Variants in ARHGAP6 observed in about 807,000 individuals in gnomAD.
The protein encoded by ARHGAP6 is Rho GTPase activating protein 6, also known as rho GTPase-activating protein 6.
ARHGAP6 carries 16 observed loss-of-function variants against 55.7 expected under a neutral mutation model. The observed-to-expected ratio is 0.29, with a 90% confidence interval of 0.19 to 0.44. ARHGAP6 has a LOEUF of 0.44. Among genes scored for constraint, ARHGAP6 ranks in the 20% least tolerant of loss-of-function variants. The pLI, the probability that ARHGAP6 is intolerant of heterozygous loss-of-function variation, is 1.00. For missense variants in ARHGAP6, 698 were observed against 808.9 expected (o/e 0.86, Z 1.66); for synonymous variants, 382 against 360.9 (o/e 1.06, Z -0.66).
intron 2 of ARHGAP6, among the ~76,000 whole-genome samples, chrX:11,221,839 A>T (rs2046976788): frequency 9.0e-6 from 1 of 111,044 alleles, no homozygotes; most frequent in African/African-American, 3.3e-5. Context: ...TACCTAGGTT[A>T]TAGCATAGTA....
At chrX:11,502,590 C>G (rs1408080290) in intron 1 of ARHGAP6, among the ~76,000 whole-genome samples, 1 of 112,069 alleles carries the variant, frequency 8.9e-6, no homozygotes, top group African/African-American at 3.2e-5. Flanking sequence ...TCTGAGACAG[C>G]AAGACCAACC....
At chrX:11,503,727 A>T (rs2050703143) in intron 1 of ARHGAP6, among the ~76,000 whole-genome samples, 1 of 111,452 alleles carries the variant, frequency 9.0e-6, no homozygotes, top group Non-Finnish European at 1.9e-5. Flanking sequence ...AGCAAAGACA[A>T]TACCCAGAAT....
chrX:11,604,959 G>A (rs774231362), intron 1 of ARHGAP6, among the ~76,000 whole-genome samples: 13 of 111,749 alleles, frequency 1.2e-4, no homozygotes, highest in Non-Finnish European at 1.9e-4. Flanking sequence ...TCTGGTCAGG[G>A]GACAGCTGTA....
chrX:11,623,371 AG>A (rs1193158696), intron 1 of ARHGAP6, among the ~76,000 whole-genome samples: 1 of 111,300 alleles, frequency 9.0e-6, no homozygotes, highest in Non-Finnish European at 1.9e-5. Context: ...TTAACCAAAA[AG>A]CAAAAGATCT....
chrX:11,297,144 C>A (rs756696851), intron 1 of ARHGAP6, among the ~76,000 whole-genome samples: 1 of 112,149 alleles, frequency 8.9e-6, no homozygotes, highest in South Asian at 3.7e-4. Flanking sequence ...TCTAACCCAG[C>A]TAGTAAAATG....
intron 1 of ARHGAP6, among the ~76,000 whole-genome samples, chrX:11,295,054 C>T (rs983340182): frequency 2.7e-5 from 3 of 111,800 alleles, no homozygotes; most frequent in African/African-American, 6.5e-5. Context: ...ACAGCTGGGG[C>T]GGGGCCCAGG....
intron 1 of ARHGAP6, among the ~76,000 whole-genome samples, chrX:11,327,161 T>C: frequency 8.9e-6 from 1 of 112,271 alleles, no homozygotes. Context: ...GTCCAAGATA[T>C]TCTTTAGATT....
At chrX:11,246,994 T>C (rs2047362679) in intron 2 of ARHGAP6, among the ~76,000 whole-genome samples, 1 of 112,191 alleles carries the variant, frequency 8.9e-6, no homozygotes, top group Non-Finnish European at 1.9e-5. Flanking sequence ...AGGTTACTTT[T>C]ATTTTCTAAA....
chrX:11,418,189 A>G (rs148153700), intron 1 of ARHGAP6, among the ~76,000 whole-genome samples: 1 of 111,970 alleles, frequency 8.9e-6, no homozygotes, highest in East Asian at 2.8e-4. Context: ...AGCAGGATGA[A>G]TATTTATGAA....
At chrX:11,153,672 G>T (rs907585716) in intron 10 of ARHGAP6, among the ~76,000 whole-genome samples, 1 of 109,958 alleles carries the variant, frequency 9.1e-6, no homozygotes, top group Non-Finnish European at 1.9e-5. Flanking sequence ...CTTCTGGGCT[G>T]TTCCTTGGCC....
chrX:11,399,538 G>A, intron 1 of ARHGAP6, among the ~76,000 whole-genome samples: 1 of 111,181 alleles, frequency 9.0e-6, no homozygotes, highest in East Asian at 2.8e-4. Flanking sequence ...AGAGGATATG[G>A]AGAAATCTGA....
intron 2 of ARHGAP6, among the ~76,000 whole-genome samples, chrX:11,208,878 G>C (rs757911357): frequency 8.9e-6 from 1 of 111,814 alleles, no homozygotes; most frequent in Admixed American, 9.5e-5. Context: ...AACATCATTT[G>C]GTTCCATTTC....
intron 2 of ARHGAP6, among the ~76,000 whole-genome samples, chrX:11,208,983 T>A (rs1358004388): frequency 8.9e-6 from 1 of 112,244 alleles, no homozygotes; most frequent in Non-Finnish European, 1.9e-5. Flanking sequence ...AGAATTTTTT[T>A]AAAATGTTGA....
At chrX:11,266,127 AAG>A (rs766290877) in intron 1 of ARHGAP6, among the ~76,000 whole-genome samples, 1 of 92,307 alleles carries the variant, frequency 1.1e-5, no homozygotes, top group Non-Finnish European at 2.2e-5. Context: ...GGGAGGAGGA[AAG>A]AGGGGAGGGA....
Position 11,239,944 on chromosome X carries a change from T to G in ARHGAP6, c.748+14604A>C, listed in dbSNP as rs777805920. On this transcript the variant is annotated intron_variant, in intron 2 of 12. Coordinates refer to ENST00000337414, the MANE Select transcript of ARHGAP6 (RefSeq NM_013427.3). ...TCATTATTTCTCACTTTGAGGGCTT[T>G]TCTTTGTGGCTTTCAAGCCACAGAC... is the stretch of plus-strand genomic sequence containing the variant. 4.5e-5 allele frequency among the ~76,000 whole-genome samples: 5 copies of G among 112,170 alleles called. No homozygotes were observed. The Admixed American group carries it at 4.7e-4, about 11-fold the overall frequency.
intron 1 of ARHGAP6, among the ~76,000 whole-genome samples, chrX:11,360,565 A>C (rs1285289169): frequency 9.2e-6 from 1 of 109,062 alleles, no homozygotes; most frequent in African/African-American, 3.4e-5. Context: ...AAATGGGCAA[A>C]AACTGGAAGC....
At chrX:11,646,615 G>C (rs896066718) in intron 1 of ARHGAP6, among the ~76,000 whole-genome samples, 1 of 111,770 alleles carries the variant, frequency 8.9e-6, no homozygotes, top group African/African-American at 3.2e-5. Context: ...AATATTTAGA[G>C]TTTGAAGTGA....
intron 1 of ARHGAP6, among the ~76,000 whole-genome samples, chrX:11,502,949 G>A (rs183447557): frequency 9.1e-5 from 10 of 110,396 alleles, no homozygotes; most frequent in Non-Finnish European, 1.7e-4. Flanking sequence ...AGGCTGGAGT[G>A]CAGTGACGCA....
chrX:11,608,794 C>T (rs2052066868), intron 1 of ARHGAP6, among the ~76,000 whole-genome samples: 2 of 111,692 alleles, frequency 1.8e-5, no homozygotes, highest in African/African-American at 3.3e-5. Flanking sequence ...GCTCTTGCTG[C>T]TGCCATGTAG....
Sources: allele counts gnomAD v4.1 joint callset (sites outside exome capture counted in the v4.1 genomes callset), GRCh38; gene constraint gnomAD v4.1.1; transcripts MANE v1.5; gene names NCBI Gene and HGNC (gene_info 2026-07-23, HGNC 2026-07-21).